SNTG2: variants seen among roughly 807,000 people sequenced by gnomAD.
SNTG2 encodes the protein gamma-2-syntrophin.
Under a neutral mutation model 70.9 loss-of-function variants are expected in SNTG2, and 74 were observed. The observed-to-expected ratio is 1.04, with a 90% CI of 0.86 to 1.27. The LOEUF (loss-of-function observed/expected upper bound fraction) is 1.27, where lower values mean the gene tolerates loss of function less well. Ranked by LOEUF, SNTG2 falls within the 50% of genes most tolerant of loss-of-function variation. SNTG2 has a pLI of 0.00. For missense variants in SNTG2, 717 were observed against 690.7 expected (o/e 1.04, Z -0.43); for synonymous variants, 278 against 273.8 (o/e 1.02, Z -0.15).
intron 1 of SNTG2, among the ~76,000 whole-genome samples, chr2:1,003,936 T>C (rs1002101197): frequency 8.5e-5 from 13 of 152,366 alleles, no homozygotes; most frequent in Admixed American, 7.2e-4. Flanking sequence ...TAATGTGTAC[T>C]GTATTCTGGG....
chr2:1,152,314 A>G (rs1669551301), intron 6 of SNTG2, among the ~76,000 whole-genome samples: 1 of 151,812 alleles, frequency 6.6e-6, no homozygotes, highest in Admixed American at 6.5e-5. Flanking sequence ...CACCAAAGAA[A>G]CAGAGCGAGT....
At chr2:1,032,013 G>C (rs778952706) in intron 1 of SNTG2, among the ~76,000 whole-genome samples, 5 of 152,040 alleles carry the variant, frequency 3.3e-5, no homozygotes, top group Non-Finnish European at 5.9e-5. Flanking sequence ...ATTTAAAAAT[G>C]GTGGGCTGTA....
chr2:1,118,037 C>A (rs900405448), intron 4 of SNTG2, among the ~76,000 whole-genome samples: 1 of 151,934 alleles, frequency 6.6e-6, no homozygotes, highest in African/African-American at 2.4e-5. Context: ...AAAACCTGGC[C>A]CCCCAGGTCT....
intron 14 of SNTG2, among the ~76,000 whole-genome samples, chr2:1,300,203 T>TACCATC (rs972332047): frequency 2.0e-5 from 3 of 151,998 alleles, no homozygotes; most frequent in African/African-American, 7.3e-5. Flanking sequence ...AGGGCACTGT[T>TACCATC]ACCATCACCG....
chr2:1,183,088 C>T (rs555320779), intron 8 of SNTG2, among the ~76,000 whole-genome samples: 1 of 152,108 alleles, frequency 6.6e-6, no homozygotes, highest in East Asian at 1.9e-4. Flanking sequence ...ACCATAGATT[C>T]GTTTTGCCTG....
At chr2:1,235,197 C>T (rs1286909098) in intron 9 of SNTG2, among the ~76,000 whole-genome samples, 1 of 147,200 alleles carries the variant, frequency 6.8e-6, no homozygotes. Flanking sequence ...GCCCTGAGGT[C>T]CCTACAGGCC....
At chr2:1,120,214 C>T (rs540265250) in intron 4 of SNTG2, among the ~76,000 whole-genome samples, 47 of 152,186 alleles carry the variant, frequency 3.1e-4, no homozygotes, top group African/African-American at 1.0e-3. Flanking sequence ...TATCAATAAT[C>T]GCCTTGAATA....
chr2:1,130,637 A>T (rs1667958465), intron 4 of SNTG2, among the ~76,000 whole-genome samples: 1 of 152,206 alleles, frequency 6.6e-6, no homozygotes, highest in Admixed American at 6.5e-5. Context: ...TTTTATTTAA[A>T]AGAATGTTCC....
In SNTG2 at chr2:1,173,132, C is replaced by G. The variant is rs368006432; in HGVS notation, c.540C>G (p.Ser180=). 5 of 1,614,000 alleles carry G rather than the reference C, an allele frequency of 3.1e-6. No homozygotes were observed. The highest frequency in any genetic ancestry group is 3.3e-5 in the Admixed American group (2 of 60,026). ...GPSSDHSSGA[S]SPLFDSGLHL... is the part of the protein sequence containing the mutation. ...CCAGCGACCACAGCAGTGGGGCCTC[C>G]TCTCCCCTCTTTGACAGCGGTTTGC... is the stretch of plus-strand genomic sequence containing the variant. Residue 180 remains serine (S), a synonymous_variant, in exon 8 of 17, where the codon TCC becomes TCG. Coordinates refer to ENST00000308624, the MANE Select transcript of SNTG2 (RefSeq NM_018968.4).
chr2:1,137,936 G>A, intron 6 of SNTG2, 127 bp downstream of exon 6: 2 of 967,442 alleles, frequency 2.1e-6, no homozygotes, highest in Non-Finnish European at 3.1e-6. Context: ...AAAGCTCAAA[G>A]GTTTAGTAAA....
chr2:1,193,696 G>A lies in SNTG2; in HGVS notation c.592-15407G>A, dbSNP rs922606474. Among the ~76,000 whole-genome samples the A allele has an allele frequency of 5.3e-5, 8 of 152,266 alleles. No homozygotes were observed. The East Asian group carries it at 1.5e-3, about 29-fold the overall frequency. On this transcript the variant is annotated intron_variant, in intron 8 of 16. Coordinates refer to ENST00000308624, the MANE Select transcript of SNTG2 (RefSeq NM_018968.4). ...AAAGTCCTGAGCATTTCTAGGCCTTGTTAGACTCTCGCCTGACAGCAAAGG... is the reference window on the plus strand; with the variant it reads ...AAAGTCCTGAGCATTTCTAGGCCTTATTAGACTCTCGCCTGACAGCAAAGG...
intron 6 of SNTG2, among the ~76,000 whole-genome samples, chr2:1,145,410 T>G (rs1288019864): frequency 1.3e-5 from 2 of 152,152 alleles, no homozygotes; most frequent in Non-Finnish European, 1.5e-5. Context: ...TTACTATAGA[T>G]CCTATGGACA....
intron 9 of SNTG2, among the ~76,000 whole-genome samples, chr2:1,235,641 TGAGAG>T (rs1444769059): frequency 2.0e-5 from 3 of 148,770 alleles, no homozygotes; most frequent in Admixed American, 6.6e-5. Flanking sequence ...CCCCGATTCA[TGAGAG>T]GAGGCACCCT....
Position 992,711 on chromosome 2 carries a change from C to T in SNTG2, c.72+41643C>T, listed in dbSNP as rs1349898502. On this transcript the variant is annotated intron_variant, in intron 1 of 16. Coordinates refer to ENST00000308624, the MANE Select transcript of SNTG2 (RefSeq NM_018968.4). ...GGAGTCATTTTATGACAATTAAGTT[C>T]ATGTTGAAAAGCAGCTGCCAACATA... Among the ~76,000 whole-genome samples the T allele has an allele frequency of 2.6e-5, 4 of 152,150 alleles. No homozygotes were observed. In the East Asian group the frequency reaches 7.7e-4, roughly 29 times the overall value.
At chr2:1,357,408 T>C (rs1660909633) in intron 16 of SNTG2, among the ~76,000 whole-genome samples, 1 of 152,188 alleles carries the variant, frequency 6.6e-6, no homozygotes, top group Non-Finnish European at 1.5e-5. Context: ...ATGTGATTTG[T>C]ACCCCTATGT....
At position 1,116,910 on chromosome 2, in the gene SNTG2, T is replaced by C. The variant is rs573800253; in HGVS notation, c.325+18500T>C. On this transcript the variant is annotated intron_variant, in intron 4 of 16. Coordinates refer to ENST00000308624, the MANE Select transcript of SNTG2 (RefSeq NM_018968.4). Reference sequence around the variant, plus strand: ...TACGGGTGCCCTAGTGTGTGGGTGCTCTGGTGTGTGGGTGCCCTGGCGTGT... The same window carrying C: ...TACGGGTGCCCTAGTGTGTGGGTGCCCTGGTGTGTGGGTGCCCTGGCGTGT... Among the ~76,000 whole-genome samples the C allele has an allele frequency of 7.1e-4, 87 of 122,182 alleles. No individual in the cohort carries two copies. In the South Asian group the frequency reaches 0.013, roughly 18 times the overall value. The allele number at this position is 122,182 out of a possible 152,430, so 80.2% of individuals were successfully genotyped here. A position where few individuals can be genotyped will look rare whatever the true frequency, so the allele number is the denominator to read the frequency against.
At chr2:1,327,907 T>A (rs2148279922) in intron 16 of SNTG2, among the ~76,000 whole-genome samples, 1 of 152,282 alleles carries the variant, frequency 6.6e-6, no homozygotes. Flanking sequence ...TGAGGCTGAG[T>A]AATTTATAAA....
chr2:1,225,745 G>C (rs1020073679), intron 9 of SNTG2, among the ~76,000 whole-genome samples: 18 of 152,214 alleles, frequency 1.2e-4, no homozygotes, highest in African/African-American at 4.3e-4. Context: ...TTGCAGAGAC[G>C]TTCGTTCCCA....
chr2:1,118,802 T>C (rs1667198691), intron 4 of SNTG2, among the ~76,000 whole-genome samples: 1 of 152,034 alleles, frequency 6.6e-6, no homozygotes, highest in African/African-American at 2.4e-5. Context: ...TTCTGTATTA[T>C]GGGACTGAGA....
Sources: gnomAD v4.1 joint callset for allele counts (sites outside exome capture counted in the v4.1 genomes callset) on GRCh38, gnomAD v4.1.1 for gene constraint, MANE v1.5 for transcripts, NCBI Gene and HGNC (gene_info 2026-07-23, HGNC 2026-07-21) for gene names.